Variants in PTPRB observed in about 807,000 individuals in gnomAD.
PTPRB encodes the protein protein tyrosine phosphatase receptor type B, also known as receptor-type tyrosine-protein phosphatase beta.
PTPRB carries 97 observed loss-of-function variants against 238.1 expected under a neutral mutation model. That is an observed-to-expected ratio of 0.41 (90% confidence interval 0.35 to 0.48). PTPRB has a LOEUF of 0.48. Among genes scored for constraint, PTPRB ranks in the 20% least tolerant of loss-of-function variants. The pLI, the probability that PTPRB is intolerant of heterozygous loss-of-function variation, is 0.30. For synonymous variants in PTPRB, 970 were observed against 995.4 expected, an observed-to-expected ratio of 0.97 and a Z score of 0.48; for missense variants, 2,292 against 2,681.9, an observed-to-expected ratio of 0.85 and a Z score of 3.21.
chr12:70,527,760 C>G (rs988393076), intron 32 of PTPRB: 3 of 152,162 alleles, frequency 2.0e-5, no homozygotes, highest in African/African-American at 7.2e-5. Flanking sequence ...TTCACTGTCA[C>G]CATGGACCCA....
intron 3 of PTPRB, among the ~76,000 whole-genome samples, chr12:70,614,795 T>C (rs1213878945): frequency 6.6e-6 from 1 of 152,164 alleles, no homozygotes; most frequent in Non-Finnish European, 1.5e-5. Context: ...ACCGGCTCAA[T>C]AGTAAATTCT....
chr12:70,540,864 TTC>T lies in PTPRB; in HGVS notation c.5586_5587del (p.Lys1863SerfsTer16). ...AAAGGATCTTTGTACTTACCTCACT[TTC>T]TGTCTGCAGATCAATAAGGCAACAA... is the stretch of plus-strand genomic sequence containing the variant. On this transcript the variant is annotated frameshift_variant, in exon 23 of 34. Coordinates refer to ENST00000334414, the MANE Select transcript of PTPRB (RefSeq NM_001109754.4). LOFTEE classifies it high-confidence loss of function. The T allele has an allele frequency of 6.3e-7, 1 of 1,597,724 alleles. No individual in the cohort carries two copies. Among genetic ancestry groups the T allele is most frequent in the Non-Finnish European group, 8.5e-7 (1 of 1,171,716 alleles).
intron 4 of PTPRB, among the ~76,000 whole-genome samples, chr12:70,600,722 G>T (rs985165532): frequency 1.7e-4 from 26 of 152,000 alleles, no homozygotes; most frequent in Non-Finnish European, 3.7e-4. Flanking sequence ...TTGAGACAGG[G>T]CCTTGCTCTG....
Position 70,559,482 on chromosome 12 carries a change from G to T in PTPRB, c.4575C>A (p.Asn1525Lys). 1 of 1,613,980 alleles carries T rather than the reference G, an allele frequency of 6.2e-7. No homozygotes were observed. Among genetic ancestry groups the T allele is most frequent in the Non-Finnish European group, 8.5e-7 (1 of 1,179,888 alleles). ...WLPRDALTVF[N>K]PYNNRKSEGR... ...CTTCTGATTTTCTGTTGTTGTAGGG[G>T]TTGAAGACAGTAAGTGCATCTCTGG... The change falls in exon 18 of 34, where the codon AAC becomes AAA. Residue 1525 changes from asparagine (N) to lysine (K), a missense_variant. By Grantham distance (94) the Asn-to-Lys change is moderately conservative. Around this residue, in one of 4 missense-constraint regions of PTPRB, gnomAD observed 683 missense variants for 862.0 expected, o/e 0.79. Coordinates refer to ENST00000334414, the MANE Select transcript of PTPRB (RefSeq NM_001109754.4).
At chr12:70,582,274 T>TA (rs1003057173) in intron 9 of PTPRB, among the ~76,000 whole-genome samples, 2 of 152,068 alleles carry the variant, frequency 1.3e-5, no homozygotes, top group Non-Finnish European at 2.9e-5. Context: ...AAGCGTTCAT[T>TA]AAAAAAATCC....
chr12:70,538,716 G>A, intron 27 of PTPRB: 1 of 581,142 alleles, frequency 1.7e-6, no homozygotes, highest in Non-Finnish European at 3.1e-6. Context: ...CAGCATAAGA[G>A]GACTTTCATA....
chr12:70,543,486 A>G (rs1028017917), intron 22 of PTPRB, among the ~76,000 whole-genome samples: 1 of 152,244 alleles, frequency 6.6e-6, no homozygotes, highest in African/African-American at 2.4e-5. Flanking sequence ...AATTATAAGT[A>G]AAGACATCTA....
chr12:70,598,506 C>T (rs539621085), intron 4 of PTPRB, among the ~76,000 whole-genome samples: 11 of 148,400 alleles, frequency 7.4e-5, no homozygotes, highest in African/African-American at 2.8e-4. Flanking sequence ...GCTATTTAAC[C>T]TGTCTAAGCC....
chr12:70,632,413 C>A (rs1336576460), intron 2 of PTPRB, among the ~76,000 whole-genome samples: 3 of 151,736 alleles, frequency 2.0e-5, no homozygotes, highest in Non-Finnish European at 2.9e-5. Flanking sequence ...AGACATCACA[C>A]ACTGGGTCCT....
At chr12:70,536,731 G>A (rs1168367135) in intron 28 of PTPRB, among the ~76,000 whole-genome samples, 1 of 152,126 alleles carries the variant, frequency 6.6e-6, no homozygotes, top group Non-Finnish European at 1.5e-5. Context: ...AATTCTAATC[G>A]AAGCTCTTTC....
At chr12:70,549,315 G>A (rs142950146) in intron 21 of PTPRB, among the ~76,000 whole-genome samples, 345 of 152,242 alleles carry the variant, frequency 2.3e-3, no homozygotes, top group Middle Eastern at 0.017. Flanking sequence ...AGAAAACGAG[G>A]TCAGGAGAAG....
intron 3 of PTPRB, 55 bp downstream of exon 3, chr12:70,622,335 C>T (rs1022403568): frequency 6.3e-7 from 1 of 1,581,074 alleles, no homozygotes; most frequent in Non-Finnish European, 8.6e-7. Flanking sequence ...TCTTTTCAAG[C>T]AATGAGCCTC....
At chr12:70,636,944 C>T (rs1430692596) in intron 1 of PTPRB, among the ~76,000 whole-genome samples, 1 of 152,170 alleles carries the variant, frequency 6.6e-6, no homozygotes, top group Non-Finnish European at 1.5e-5. Flanking sequence ...ACTACATTTC[C>T]TCACCCCCTT....
At chr12:70,617,458 A>C (rs534024649) in intron 3 of PTPRB, among the ~76,000 whole-genome samples, 3 of 152,190 alleles carry the variant, frequency 2.0e-5, no homozygotes, top group Non-Finnish European at 4.4e-5. Context: ...CTAGGAGTCG[A>C]GATGAAGGAT....
At chr12:70,545,638 T>G (rs1875841844) in intron 21 of PTPRB, among the ~76,000 whole-genome samples, 1 of 151,942 alleles carries the variant, frequency 6.6e-6, no homozygotes, top group Non-Finnish European at 1.5e-5. Context: ...AGCAGAGAGC[T>G]CAATGAAGAG....
chr12:70,531,951 T>C, intron 32 of PTPRB, 84 bp downstream of exon 32: 1 of 1,486,996 alleles, frequency 6.7e-7, no homozygotes, highest in Non-Finnish European at 9.3e-7. Flanking sequence ...TATTTCCCCT[T>C]GTCAGATTAA....
At position 70,517,658 on chromosome 12, in the gene PTPRB, G is replaced by A. The variant is rs1030451118; in HGVS notation, c.*3831C>T. 1.3e-5 allele frequency: 2 copies of A among 152,066 alleles called. No individual in the cohort carries two copies. The highest frequency in any genetic ancestry group is 2.9e-5 in the Non-Finnish European group (2 of 68,018). 9.4% of individuals were successfully genotyped at this position (152,066 alleles called of 1,614,324 possible). ...TCCTCAGTGAAATGGAACCCAGAAA[G>A]CCCTTGAACTGCTATCATATACAAG... is the stretch of plus-strand genomic sequence containing the variant. On this transcript the variant is annotated 3_prime_UTR_variant, in exon 34 of 34. Transcript: ENST00000334414.
At chr12:70,588,678 C>T (rs189859109) in intron 8 of PTPRB, among the ~76,000 whole-genome samples, 44 of 151,610 alleles carry the variant, frequency 2.9e-4, no homozygotes, top group Non-Finnish European at 6.2e-4. Flanking sequence ...TTTGGCCTGG[C>T]GCCGTGGCTT....
rs1434103039 is a variant in PTPRB, at chr12:70,516,871, A to G, written c.*4618T>C. The G allele has an allele frequency of 6.6e-6, 1 of 152,206 alleles. No homozygotes were observed. The highest frequency in any genetic ancestry group is 2.4e-5 in the African/African-American group (1 of 41,444). The allele number at this position is 152,206 out of a possible 1,614,324, so 9.4% of individuals were successfully genotyped here. On this transcript the variant is annotated 3_prime_UTR_variant, in exon 34 of 34. Transcript: ENST00000334414. ...TCTATTTTCAGAGCATTCACCAACA[A>G]TTTCTTTATTTAATAAGTGTATCTT... is the stretch of plus-strand genomic sequence containing the variant.
Sources: allele counts gnomAD v4.1 joint callset (sites outside exome capture counted in the v4.1 genomes callset), GRCh38; gene constraint gnomAD v4.1.1; regional missense constraint gnomAD v4.1.1; transcripts MANE v1.5; gene names NCBI Gene and HGNC (gene_info 2026-07-23, HGNC 2026-07-21).